Variants in NR2F1-AS1 observed in about 807,000 individuals in gnomAD.
NR2F1-AS1 encodes NR2F1 regulatory antisense RNA 1.
intron 4 of NR2F1-AS1, among the ~76,000 whole-genome samples, chr5:93,449,236 G>C (rs1054018286): frequency 6.6e-6 from 1 of 151,932 alleles, no homozygotes; most frequent in South Asian, 2.1e-4. Context: ...TAAAAATAAT[G>C]GGTTATATGC....
intron 2 of NR2F1-AS1, among the ~76,000 whole-genome samples, chr5:93,559,504 A>T (rs896945944): frequency 1.3e-5 from 2 of 152,150 alleles, no homozygotes; most frequent in Non-Finnish European, 2.9e-5. Flanking sequence ...TTGCTTCCAC[A>T]ACTTGGATGT....
At chr5:93,508,946 T>C (rs1035056826) in intron 4 of NR2F1-AS1, among the ~76,000 whole-genome samples, 1 of 152,130 alleles carries the variant, frequency 6.6e-6, no homozygotes, top group South Asian at 2.1e-4. Context: ...CTTTGGGGAA[T>C]GACTGGCTAC....
intron 1 of NR2F1-AS1, among the ~76,000 whole-genome samples, chr5:93,568,944 G>A (rs1752678457): frequency 6.6e-6 from 1 of 152,132 alleles, no homozygotes. Flanking sequence ...TTTCTAGACT[G>A]CTTTGGGCCC....
At chr5:93,562,183 C>CAAAAAAAAAAAAAAA (rs750644394) in intron 2 of NR2F1-AS1, among the ~76,000 whole-genome samples, 1 of 50,560 alleles carries the variant, frequency 2.0e-5, no homozygotes, top group Non-Finnish European at 4.3e-5. Flanking sequence ...CCCATCTCTA[C>CAAAAAAAAAAAAAAA]AAAAAAAAAA....
intron 4 of NR2F1-AS1, among the ~76,000 whole-genome samples, chr5:93,415,891 G>A (rs1484394798): frequency 6.6e-6 from 1 of 152,224 alleles, no homozygotes; most frequent in Non-Finnish European, 1.5e-5. Flanking sequence ...TAGCATGGAT[G>A]AGAGTTTTCA....
chr5:93,456,044 C>A (rs1749940724), intron 4 of NR2F1-AS1, among the ~76,000 whole-genome samples: 1 of 152,112 alleles, frequency 6.6e-6, no homozygotes. Context: ...AGGACATATC[C>A]TCTAGCCACT....
intron 1 of NR2F1-AS1, among the ~76,000 whole-genome samples, chr5:93,569,533 A>G (rs919390113): frequency 6.6e-6 from 1 of 152,186 alleles, no homozygotes; most frequent in African/African-American, 2.4e-5. Flanking sequence ...GGTCAGTAAA[A>G]CTATGCTAAT....
chr5:93,546,459 GC>G (rs1752089846), intron 4 of NR2F1-AS1, among the ~76,000 whole-genome samples: 1 of 152,130 alleles, frequency 6.6e-6, no homozygotes, highest in Non-Finnish European at 1.5e-5. Context: ...TTTACATGAA[GC>G]AAGTCAGAGG....
chr5:93,443,545 C>A (rs1309970317), intron 4 of NR2F1-AS1, among the ~76,000 whole-genome samples: 1 of 152,028 alleles, frequency 6.6e-6, no homozygotes, highest in African/African-American at 2.4e-5. Context: ...AAATATGGGA[C>A]TATATGAAAA....
At chr5:93,473,262 T>C (rs956576595) in intron 4 of NR2F1-AS1, among the ~76,000 whole-genome samples, 5 of 151,942 alleles carry the variant, frequency 3.3e-5, no homozygotes, top group African/African-American at 1.2e-4. Context: ...ATATATAAGG[T>C]AAACCAGAGT....
chr5:93,468,094 G>A (rs1750279934), intron 4 of NR2F1-AS1, among the ~76,000 whole-genome samples: 1 of 152,166 alleles, frequency 6.6e-6, no homozygotes, highest in Non-Finnish European at 1.5e-5. Flanking sequence ...TTGCTATTGT[G>A]AATAGTGCCG....
chr5:93,553,213 C>T (rs1186123508), intron 4 of NR2F1-AS1, among the ~76,000 whole-genome samples: 3 of 151,196 alleles, frequency 2.0e-5, no homozygotes, highest in African/African-American at 7.3e-5. Flanking sequence ...CACTGCGACC[C>T]CTGCCTCCCA....
chr5:93,473,614 T>C (rs1225561935), intron 4 of NR2F1-AS1, among the ~76,000 whole-genome samples: 2 of 150,724 alleles, frequency 1.3e-5, no homozygotes, highest in Admixed American at 6.6e-5. Context: ...CCCTTAAATA[T>C]ATATATTATA....
intron 4 of NR2F1-AS1, among the ~76,000 whole-genome samples, chr5:93,513,404 G>A (rs539273949): frequency 6.9e-4 from 105 of 152,184 alleles, no homozygotes; most frequent in Non-Finnish European, 1.4e-3. Flanking sequence ...CAAAGACATG[G>A]AATCAACCTA....
intron 4 of NR2F1-AS1, among the ~76,000 whole-genome samples, chr5:93,532,350 A>G (rs1397860320): frequency 6.6e-6 from 1 of 152,226 alleles, no homozygotes; most frequent in Non-Finnish European, 1.5e-5. Context: ...TTGTACACTT[A>G]GTTTTTATAA....
chr5:93,439,355 G>A (rs977216386), intron 4 of NR2F1-AS1, among the ~76,000 whole-genome samples: 7 of 152,110 alleles, frequency 4.6e-5, no homozygotes, highest in South Asian at 2.1e-4. Context: ...GTGGAGTGGC[G>A]CGATCTCGGC....
At chr5:93,552,325 A>G (rs1409806200) in intron 4 of NR2F1-AS1, among the ~76,000 whole-genome samples, 1 of 152,184 alleles carries the variant, frequency 6.6e-6, no homozygotes, top group African/African-American at 2.4e-5. Flanking sequence ...AAGAGGAAAG[A>G]CTATAATGGT....
At chr5:93,491,831 T>C (rs1281929859) in intron 4 of NR2F1-AS1, among the ~76,000 whole-genome samples, 1 of 152,186 alleles carries the variant, frequency 6.6e-6, no homozygotes, top group Non-Finnish European at 1.5e-5. Flanking sequence ...AGTTACACCA[T>C]CAGCTCCCTG....
chr5:93,583,538 GA>G (rs1207556134), upstream of NR2F1-AS1: 3 of 150,788 alleles, frequency 2.0e-5, no homozygotes, highest in African/African-American at 7.3e-5. Flanking sequence ...AAAAAAAAAG[GA>G]GGAGGAGGAG....
Sources: gnomAD v4.1 joint callset for allele counts (sites outside exome capture counted in the v4.1 genomes callset) on GRCh38, gnomAD v4.1.1 for gene constraint, MANE v1.5 for transcripts, NCBI Gene and HGNC (gene_info 2026-07-23, HGNC 2026-07-21) for gene names.